PRKD1: variants seen among roughly 807,000 people sequenced by gnomAD.
PRKD1 encodes the protein protein kinase D1.
Under a neutral mutation model 95.9 loss-of-function variants are expected in PRKD1, and 63 were observed. The observed-to-expected ratio is 0.66, with a 90% CI of 0.54 to 0.81. PRKD1 has a LOEUF of 0.81. Among genes scored for constraint, PRKD1 ranks in the 30% least tolerant of loss-of-function variants. The pLI is 0.00. For missense variants in PRKD1, 1,048 were observed against 1,165.3 expected, an observed-to-expected ratio of 0.90 and a Z score of 1.47; for synonymous variants, 425 against 423.1, an observed-to-expected ratio of 1.00 and a Z score of -0.05.
At chr14:29,596,328 CCT>C (rs1248779136) in intron 16 of PRKD1, among the ~76,000 whole-genome samples, 1 of 152,140 alleles carries the variant, frequency 6.6e-6, no homozygotes, top group East Asian at 1.9e-4. Flanking sequence ...ACAGAATGAA[CCT>C]AGAACTAGAT....
At chr14:29,581,327 G>A (rs565936492) in intron 16 of PRKD1, among the ~76,000 whole-genome samples, 13 of 151,970 alleles carry the variant, frequency 8.6e-5, no homozygotes, top group Non-Finnish European at 1.0e-4. Context: ...TGAATTATAC[G>A]CAAATATATT....
At chr14:29,732,666 G>C (rs1011213548) in intron 1 of PRKD1, among the ~76,000 whole-genome samples, 3 of 152,042 alleles carry the variant, frequency 2.0e-5, no homozygotes, top group Non-Finnish European at 4.4e-5. Flanking sequence ...ACTTTTCTCA[G>C]ATTTTCTCTC....
At chr14:29,702,819 AT>A (rs1884905268) in intron 2 of PRKD1, among the ~76,000 whole-genome samples, 1 of 152,148 alleles carries the variant, frequency 6.6e-6, no homozygotes, top group African/African-American at 2.4e-5. Flanking sequence ...TCCTGAGACC[AT>A]TTTAGCAATA....
At chr14:29,684,143 G>GTTTTTTTTTTTTTTTTTTTTTTTTTT (rs11285857) in intron 2 of PRKD1, among the ~76,000 whole-genome samples, 1 of 135,792 alleles carries the variant, frequency 7.4e-6, no homozygotes, top group African/African-American at 2.9e-5. Context: ...CTTTAGAATG[G>GTTTTTTTTTTTTTTTTTTTTTTTTTT]TTTTTTTTTT....
At chr14:29,920,088 A>G (rs917440268) in intron 1 of PRKD1, among the ~76,000 whole-genome samples, 1 of 146,924 alleles carries the variant, frequency 6.8e-6, no homozygotes, top group Admixed American at 6.8e-5. Flanking sequence ...AAGGAAGGAG[A>G]AAAGAAAAGA....
intron 1 of PRKD1, among the ~76,000 whole-genome samples, chr14:29,919,047 G>T (rs1332306182): frequency 6.6e-6 from 1 of 152,204 alleles, no homozygotes; most frequent in Non-Finnish European, 1.5e-5. Context: ...CTGAAATTGT[G>T]CCTAAAAACA....
At chr14:29,776,676 C>T (rs1888772865) in intron 1 of PRKD1, among the ~76,000 whole-genome samples, 1 of 152,106 alleles carries the variant, frequency 6.6e-6, no homozygotes, top group South Asian at 2.1e-4. Flanking sequence ...GATTGCTGTA[C>T]CTGAAAGTGA....
intron 4 of PRKD1, among the ~76,000 whole-genome samples, chr14:29,660,486 C>G (rs1047754978): frequency 1.3e-5 from 2 of 152,090 alleles, no homozygotes; most frequent in African/African-American, 4.8e-5. Flanking sequence ...AATCCAATTG[C>G]CTTGGTTGCT....
At chr14:29,610,439 AG>A (rs1285368494) in intron 13 of PRKD1, among the ~76,000 whole-genome samples, 1 of 152,224 alleles carries the variant, frequency 6.6e-6, no homozygotes, top group Non-Finnish European at 1.5e-5. Flanking sequence ...AGGTGTCATC[AG>A]GGAAATGCAA....
At chr14:29,827,746 A>T (rs1891254689) in intron 1 of PRKD1, among the ~76,000 whole-genome samples, 1 of 152,174 alleles carries the variant, frequency 6.6e-6, no homozygotes, top group East Asian at 1.9e-4. Context: ...CCCATTCCAG[A>T]GTGGAATTAT....
At chr14:29,850,469 C>T (rs1892265961) in intron 1 of PRKD1, among the ~76,000 whole-genome samples, 1 of 151,636 alleles carries the variant, frequency 6.6e-6, no homozygotes, top group African/African-American at 2.4e-5. Flanking sequence ...CACACACACA[C>T]ACACACACAC....
At chr14:29,785,825 T>TAATAA (rs1326770878) in intron 1 of PRKD1, among the ~76,000 whole-genome samples, 1 of 146,976 alleles carries the variant, frequency 6.8e-6, no homozygotes, top group Non-Finnish European at 1.5e-5. Context: ...AGTATAATCA[T>TAATAA]AATAAAATAA....
chr14:29,637,469 G>T (rs553905499), intron 6 of PRKD1, among the ~76,000 whole-genome samples: 39 of 152,228 alleles, frequency 2.6e-4, no homozygotes, highest in Admixed American at 1.8e-3. Flanking sequence ...CATTTTACCA[G>T]ATTTTTCTGA....
At chr14:29,745,588 C>T (rs577488073) in intron 1 of PRKD1, among the ~76,000 whole-genome samples, 3 of 152,256 alleles carry the variant, frequency 2.0e-5, no homozygotes, top group East Asian at 1.9e-4. Context: ...CCTGCCTCAG[C>T]CTCCTGAGTA....
At chr14:29,685,718 G>A (rs1177006102) in intron 2 of PRKD1, among the ~76,000 whole-genome samples, 1 of 143,248 alleles carries the variant, frequency 7.0e-6, no homozygotes, top group South Asian at 2.3e-4. Flanking sequence ...AGCAAAAGAT[G>A]TATCTTTATC....
intron 1 of PRKD1, among the ~76,000 whole-genome samples, chr14:29,828,292 G>C (rs1048296464): frequency 4.7e-4 from 71 of 152,252 alleles, no homozygotes; most frequent in African/African-American, 1.6e-3. Flanking sequence ...CAAAGGAGGA[G>C]CAGGCATGTC....
At chr14:29,635,584 T>C (rs1594382432) in intron 7 of PRKD1, among the ~76,000 whole-genome samples, 1 of 152,212 alleles carries the variant, frequency 6.6e-6, no homozygotes, top group East Asian at 1.9e-4. Context: ...ATAGGCTTTA[T>C]AATATAAATC....
At chr14:29,805,619 T>G (rs1413840981) in intron 1 of PRKD1, among the ~76,000 whole-genome samples, 2 of 152,190 alleles carry the variant, frequency 1.3e-5, no homozygotes, top group African/African-American at 4.8e-5. Context: ...CTTCACAGCA[T>G]CTCTATGAGG....
intron 1 of PRKD1, among the ~76,000 whole-genome samples, chr14:29,726,049 G>A (rs573264543): frequency 2.7e-4 from 41 of 152,174 alleles, no homozygotes; most frequent in East Asian, 2.1e-3. Flanking sequence ...AATGGGAGTC[G>A]CTTTATTCCA....
Sources: gnomAD v4.1 joint callset for allele counts (sites outside exome capture counted in the v4.1 genomes callset) on GRCh38, gnomAD v4.1.1 for gene constraint, MANE v1.5 for transcripts, NCBI Gene and HGNC (gene_info 2026-07-23, HGNC 2026-07-21) for gene names.